The following SHROOM2 variants were observed in gnomAD, a reference collection of about 807,000 sequenced individuals.
The protein encoded by SHROOM2 is shroom family member 2, also known as protein Shroom2.
A neutral mutation model predicts 75.9 loss-of-function variants in SHROOM2; 33 were observed. The observed-to-expected ratio is 0.43, with a 90% CI of 0.33 to 0.58. The LOEUF is 0.58. SHROOM2 is among the 20% of genes least tolerant of loss of function. SHROOM2 has a pLI of 0.04. For synonymous variants in SHROOM2, 655 were observed against 663.6 expected (o/e 0.99, Z 0.20); for missense variants, 1,434 against 1,461.2 (o/e 0.98, Z 0.30).
At chrX:9,890,307 C>T (rs2147011350) in intron 2 of SHROOM2, among the ~76,000 whole-genome samples, 1 of 112,671 alleles carries the variant, frequency 8.9e-6, no homozygotes, top group Non-Finnish European at 1.9e-5. Flanking sequence ...GCCCAGGTTG[C>T]AGTGAGCCAA....
chrX:9,793,127 A>G (rs921575314), intron 1 of SHROOM2, among the ~76,000 whole-genome samples: 2 of 111,764 alleles, frequency 1.8e-5, no homozygotes, highest in Non-Finnish European at 3.8e-5. Flanking sequence ...TGGCCTGACT[A>G]CTGATCACTT....
chrX:9,794,246 A>G (rs776237866), intron 1 of SHROOM2, among the ~76,000 whole-genome samples: 8 of 112,035 alleles, frequency 7.1e-5, no homozygotes, highest in East Asian at 2.8e-4. Context: ...CTTCTCCAGC[A>G]TGATCCTATA....
At chrX:9,929,762 C>T (rs762417616) in intron 5 of SHROOM2, among the ~76,000 whole-genome samples, 18 of 111,446 alleles carry the variant, frequency 1.6e-4, no homozygotes, top group Admixed American at 3.8e-4. Context: ...TGGCTGTGTC[C>T]CCACCCAAAT....
chrX:9,792,159 T>TAAATAGAATGAAAAAAGAAAAGAA (rs1240744489), intron 1 of SHROOM2, among the ~76,000 whole-genome samples: 2 of 7,412 alleles, frequency 2.7e-4, no homozygotes, highest in African/African-American at 6.5e-4. Context: ...TAGAATAGAA[T>TAAATAGAATGAAAAAAGAAAAGAA]AATCACCAGT....
intron 1 of SHROOM2, among the ~76,000 whole-genome samples, chrX:9,837,573 C>T (rs947742864): frequency 8.9e-6 from 1 of 112,269 alleles, no homozygotes; most frequent in African/African-American, 3.2e-5. Context: ...GTTTTGGTGG[C>T]GGGGAGGCTC....
intron 1 of SHROOM2, among the ~76,000 whole-genome samples, chrX:9,853,887 A>C (rs2084053390): frequency 8.9e-6 from 1 of 112,550 alleles, no homozygotes; most frequent in South Asian, 3.7e-4. Flanking sequence ...ACAGCAAATC[A>C]TACTTGTGAC....
At chrX:9,821,879 A>G (rs1016598295) in intron 1 of SHROOM2, among the ~76,000 whole-genome samples, 2 of 112,040 alleles carry the variant, frequency 1.8e-5, no homozygotes, top group Non-Finnish European at 3.8e-5. Context: ...CTGTGAATAT[A>G]CTAAAAACCC....
intron 1 of SHROOM2, among the ~76,000 whole-genome samples, chrX:9,795,412 T>C (rs2083690166): frequency 8.9e-6 from 1 of 112,645 alleles, no homozygotes; most frequent in Non-Finnish European, 1.9e-5. Flanking sequence ...TCTAAACTTT[T>C]AAAATTTGTT....
At chrX:9,886,526 CA>C (rs2084261792) in intron 2 of SHROOM2, among the ~76,000 whole-genome samples, 1 of 112,039 alleles carries the variant, frequency 8.9e-6, no homozygotes, top group Non-Finnish European at 1.9e-5. Context: ...GTATTCACAT[CA>C]TACAACCAAT....
At position 9,896,238 on chromosome X, in the gene SHROOM2, G is replaced by T. The variant is rs1451402021; in HGVS notation, c.2330G>T (p.Gly777Val). The T allele has an allele frequency of 1.7e-6, 2 of 1,211,981 alleles. No homozygotes were observed. The highest frequency in any genetic ancestry group is 4.3e-5 in the Admixed American group (2 of 46,140). Residue 777 changes from glycine (G) to valine (V), a missense_variant, in exon 4 of 10, where the codon GGC (glycine) becomes GTC (valine). By Grantham distance (109) the Gly-to-Val change is moderately radical. This residue lies in a region of SHROOM2 where 1,340 missense variants were observed against 1,338.3 expected (regional missense o/e 1.00). Coordinates refer to ENST00000380913, the MANE Select transcript of SHROOM2 (RefSeq NM_001649.4). ...EKMNEVGLTR[G>V]YSPHQHPRTS... ...ATGAACGAGGTGGGCCTCACGAGGGGCTACAGTCCTCACCAGCACCCCAGG... is the reference window on the plus strand; with the variant it reads ...ATGAACGAGGTGGGCCTCACGAGGGTCTACAGTCCTCACCAGCACCCCAGG...
intron 2 of SHROOM2, among the ~76,000 whole-genome samples, chrX:9,890,683 G>T (rs750119308): frequency 1.5e-4 from 17 of 111,743 alleles, no homozygotes; most frequent in South Asian, 1.5e-3. Context: ...CGTGCGCTGC[G>T]TGCGGTCCTC....
rs746827417 is a variant in SHROOM2 at position 9,895,393 on chromosome X, G to T, written c.1485G>T (p.Trp495Cys). The change falls in exon 4 of 10, where the codon TGG (tryptophan) becomes TGT (cysteine). Residue 495 changes from tryptophan (W) to cysteine (C), a missense_variant. Physicochemically the swap from Trp to Cys is radical, Grantham distance 215. Transcript: ENST00000380913. ...LQAAQLWAGC[W>C]PSDTALGALE... ...CAGCACAGCTCTGGGCGGGATGCTG[G>T]CCTTCTGACACAGCCCTTGGAGCCC... The T allele has an allele frequency of 8.3e-7, 1 of 1,203,650 alleles. No individual in the cohort carries two copies. Among genetic ancestry groups the T allele is most frequent in the Non-Finnish European group, 1.1e-6 (1 of 891,801 alleles).
Position 9,935,278 on chromosome X carries a change from C to T in SHROOM2, c.3588-1856C>T, listed in dbSNP as rs373408684. On this transcript the variant is annotated intron_variant, in intron 6 of 9. Transcript: ENST00000380913. ...GCAGAGGGTTCTGCGTTTGCTGGTGCTTGGATAAGGTGGCCAGGTTTTCCT... is the reference window on the plus strand; with the variant it reads ...GCAGAGGGTTCTGCGTTTGCTGGTGTTTGGATAAGGTGGCCAGGTTTTCCT... 3.7e-5 allele frequency among the ~76,000 whole-genome samples: 4 copies of T among 108,868 alleles called. No homozygotes were observed. The East Asian group carries it at 8.6e-4, about 23-fold the overall frequency. The allele number at this position is 108,868 out of a possible 115,157, so 94.5% of individuals were successfully genotyped here. A position where few individuals can be genotyped will look rare whatever the true frequency, so the allele number is the denominator to read the frequency against.
chrX:9,895,079 G>A lies in SHROOM2; in HGVS notation c.1171G>A (p.Ala391Thr). Residue 391 changes from alanine to threonine, a missense_variant, in exon 4 of 10, where the codon GCC (alanine) becomes ACC (threonine). By Grantham distance (58) the Ala-to-Thr change is moderately conservative. Coordinates refer to ENST00000380913, the MANE Select transcript of SHROOM2 (RefSeq NM_001649.4). ...GSGGPGCPQE[A>T]HADGSWPPSK... is the part of the protein sequence containing the mutation. ...GGGAGGCCCGGGCTGCCCACAGGAG[G>A]CCCACGCAGACGGCAGCTGGCCGCC... 3.3e-6 allele frequency: 4 copies of A among 1,208,582 alleles called. No homozygotes were observed. The highest frequency in any genetic ancestry group is 4.5e-6 in the Non-Finnish European group (4 of 894,061).
chrX:9,894,961 C>T lies in SHROOM2; in HGVS notation c.1053C>T (p.Ala351=). Residue 351 remains alanine, a synonymous_variant, in exon 4 of 10, where the codon GCC becomes GCT. Transcript: ENST00000380913. ...CGGCTGCGGCACAGCACTTTACGGC[C>T]CTGGCCCAGGCTCAGCCTCGTGGTG... The part of the protein sequence containing the change: ...SEAAAAQHFT[A]LAQAQPRGDR... The T allele has an allele frequency of 7.4e-6, 9 of 1,210,876 alleles. No individual in the cohort carries two copies. Among genetic ancestry groups the T allele is most frequent in the Non-Finnish European group, 1.0e-5 (9 of 895,258 alleles).
intron 1 of SHROOM2, among the ~76,000 whole-genome samples, chrX:9,810,864 C>CTAT (rs1348387532): frequency 1.8e-5 from 2 of 111,452 alleles, no homozygotes. Context: ...TTCCACCGTT[C>CTAT]TATTAATCCA....
At chrX:9,892,327 G>A (rs756691434) in intron 3 of SHROOM2, among the ~76,000 whole-genome samples, 3 of 107,948 alleles carry the variant, frequency 2.8e-5, no homozygotes, top group East Asian at 5.8e-4. Context: ...TATATGACAC[G>A]AAGGAAAGAC....
intron 1 of SHROOM2, among the ~76,000 whole-genome samples, chrX:9,808,641 C>A (rs939531679): frequency 9.3e-6 from 1 of 107,478 alleles, no homozygotes; most frequent in Non-Finnish European, 2.0e-5. Flanking sequence ...GTGGGTGGAT[C>A]ACCTGAGGTC....
At chrX:9,930,372 G>A (rs1188481895) in intron 5 of SHROOM2, among the ~76,000 whole-genome samples, 1 of 109,808 alleles carries the variant, frequency 9.1e-6, no homozygotes. Context: ...AAAATTAGCT[G>A]GGTGTGGTGG....
Sources: allele counts gnomAD v4.1 joint callset (sites outside exome capture counted in the v4.1 genomes callset), GRCh38; gene constraint gnomAD v4.1.1; regional missense constraint gnomAD v4.1.1; transcripts MANE v1.5; gene names NCBI Gene and HGNC (gene_info 2026-07-23, HGNC 2026-07-21).